Variants in ABHD18 observed in about 807,000 individuals in gnomAD.
ABHD18 encodes cardiolipin-specific deacylase, mitochondrial.
ABHD18 carries 55 observed loss-of-function variants against 65.9 expected under a neutral mutation model. The ratio of observed to expected loss-of-function variants is 0.84; its 90% CI spans 0.67 to 1.05. The LOEUF (loss-of-function observed/expected upper bound fraction) is 1.05, where lower values mean the gene tolerates loss of function less well. Ranked by LOEUF, ABHD18 falls within the 50% of genes least tolerant of loss-of-function variation. The pLI is 0.00. For missense variants in ABHD18, 533 were observed against 558.5 expected (o/e 0.95, Z 0.46); for synonymous variants, 181 against 180.2 (o/e 1.00, Z -0.04).
rs183094932 is a variant in ABHD18 at position 128,013,731 on chromosome 4, C to T, written c.470+2031C>T. 5.7e-3 allele frequency among the ~76,000 whole-genome samples: 861 copies of T among 151,794 alleles called. 4 individuals are homozygous for T. Among genetic ancestry groups the T allele is most frequent in the Non-Finnish European group, 9.0e-3 (610 of 67,948 alleles). On this transcript the variant is annotated intron_variant, in intron 7 of 12. Transcript: ENST00000645843. ...AAAAAAAGTTCTGACTTGGATGTGT[C>T]AAATTTGTAATTTCTGTTAAACCTG...
intron 1 of ABHD18, among the ~76,000 whole-genome samples, chr4:127,976,832 G>A (rs1370042874): frequency 6.6e-6 from 1 of 152,098 alleles, no homozygotes; most frequent in Non-Finnish European, 1.5e-5. Context: ...ACAAGGTCAG[G>A]AGATCAAGAC....
rs994198965 is a variant in ABHD18, at chr4:127,966,738, A to G, written c.-18+1132A>G. Among the ~76,000 whole-genome samples the G allele has an allele frequency of 3.2e-4, 37 of 115,848 alleles. 1 individual carries two copies. Among genetic ancestry groups the G allele is most frequent in the Admixed American group, 1.0e-4 (1 of 9,548 alleles). 76.0% of individuals were successfully genotyped at this position (115,848 alleles called of 152,430 possible). A position where few individuals can be genotyped will look rare whatever the true frequency, so the allele number is the denominator to read the frequency against. ...AAAAAAAAAAAAAAAAAAAAAAAAA[A>G]GCCGGGCGTGGTGGCGGGCGCCTAT... is the stretch of plus-strand genomic sequence containing the variant. On this transcript the variant is annotated intron_variant, in intron 1 of 12. Coordinates refer to ENST00000645843, the MANE Select transcript of ABHD18 (RefSeq NM_001358451.3).
chr4:128,004,587 A>C (rs1441854025), intron 4 of ABHD18, among the ~76,000 whole-genome samples: 1 of 152,210 alleles, frequency 6.6e-6, no homozygotes, highest in Non-Finnish European at 1.5e-5. Context: ...AGGTTTATTC[A>C]GTAAATTTAT....
rs1754090765 is a variant in ABHD18, at chr4:128,008,967, T to C, written c.326T>C (p.Val109Ala). Residue 109 changes from valine to alanine, a missense_variant, in exon 5 of 13, where the codon GTA (valine) becomes GCA (alanine). This residue lies in a region of ABHD18 where 309 missense variants were observed against 313.5 expected (regional missense o/e 0.99). Coordinates refer to ENST00000645843, the MANE Select transcript of ABHD18 (RefSeq NM_001358451.3). The part of the protein sequence containing the change: ...PKEWNSKYRP[V>A]CIHLAGTGDH... ...GAATGGAACAGCAAATATAGACCTG[T>C]ATGCATTCATCTTGCTGGAACAGGA... The C allele has an allele frequency of 6.2e-7, 1 of 1,610,776 alleles. No individual in the cohort carries two copies. The highest frequency in any genetic ancestry group is 1.3e-5 in the African/African-American group (1 of 74,878).
At chr4:128,002,424 C>G (rs1009947061) in intron 4 of ABHD18, among the ~76,000 whole-genome samples, 1 of 151,502 alleles carries the variant, frequency 6.6e-6, no homozygotes, top group African/African-American at 2.4e-5. Flanking sequence ...GGATTACAGG[C>G]ACTTGCCACC....
intron 6 of ABHD18, 61 bp from the exon 7 acceptor site, chr4:128,011,612 C>G (rs1754591514): frequency 7.5e-7 from 1 of 1,325,750 alleles, no homozygotes; most frequent in East Asian, 2.6e-5. Flanking sequence ...ATTTAATGTA[C>G]TCTCAGACAA....
chr4:128,015,950 CT>C (rs938616932), intron 7 of ABHD18, among the ~76,000 whole-genome samples: 4,038 of 130,724 alleles, frequency 0.031, 39 homozygotes, highest in Non-Finnish European at 0.039. Context: ...TATTTAAATA[CT>C]TTTTTTTTTT....
chr4:127,998,876 AC>A (rs1752213712), intron 4 of ABHD18, among the ~76,000 whole-genome samples: 1 of 152,168 alleles, frequency 6.6e-6, no homozygotes, highest in South Asian at 2.1e-4. Context: ...ATGGTACTTT[AC>A]GTACTTAGGA....
chr4:127,991,102 G>T (rs962810079), intron 4 of ABHD18, among the ~76,000 whole-genome samples: 1 of 152,144 alleles, frequency 6.6e-6, no homozygotes, highest in Non-Finnish European at 1.5e-5. Context: ...GGTCTCAAGG[G>T]ATCCACCTGC....
At position 128,031,879 on chromosome 4, in the gene ABHD18, T is replaced by C. The variant is rs1267174606; in HGVS notation, c.1343+1207T>C. On this transcript the variant is annotated intron_variant, in intron 12 of 12. Transcript: ENST00000645843. ...ATTGGTGAGTGAGCAGACTATCCAA[T>C]ACTCATTGGCCCTCTGGCACAACAA... Among the ~76,000 whole-genome samples, 5 of 152,348 alleles carry C rather than the reference T, an allele frequency of 3.3e-5. No homozygotes were observed. In the East Asian group the frequency reaches 9.6e-4, roughly 29 times the overall value.
At chr4:127,979,777 G>A (rs1378561340) in intron 1 of ABHD18, among the ~76,000 whole-genome samples, 15 of 152,038 alleles carry the variant, frequency 9.9e-5, no homozygotes, top group African/African-American at 2.2e-4. Flanking sequence ...TTAGCTGGGC[G>A]TGCTGCTGTG....
chr4:127,974,197 T>G (rs1016921203), intron 1 of ABHD18, among the ~76,000 whole-genome samples: 21 of 143,054 alleles, frequency 1.5e-4, no homozygotes, highest in African/African-American at 4.2e-4. Flanking sequence ...TGTTTTTTTT[T>G]TTTTTTTTTT....
chr4:128,020,125 A>T lies in ABHD18; in HGVS notation c.655A>T (p.Ile219Phe). The change falls in exon 9 of 13, where the codon ATT (isoleucine) becomes TTT (phenylalanine). Residue 219 changes from isoleucine to phenylalanine, a missense_variant. Ile to Phe is a conservative substitution (Grantham distance 21). Coordinates refer to ENST00000645843, the MANE Select transcript of ABHD18 (RefSeq NM_001358451.3). ...VSNWPKPMPLIPCLSWSTASG... is the reference protein window; with the variant it reads ...VSNWPKPMPLFPCLSWSTASG... ...CAACTGGCCTAAGCCCATGCCATTG[A>T]TTCCATGCCTGTCTTGGTCCACAGC... The T allele has an allele frequency of 6.2e-7, 1 of 1,613,732 alleles. No homozygotes were observed. Among genetic ancestry groups the T allele is most frequent in the Non-Finnish European group, 8.5e-7 (1 of 1,179,778 alleles).
intron 4 of ABHD18, among the ~76,000 whole-genome samples, chr4:128,006,818 C>T (rs144002549): frequency 4.6e-4 from 70 of 152,314 alleles, no homozygotes; most frequent in African/African-American, 1.7e-3. Flanking sequence ...CGTGTGGTGA[C>T]TCATGTCCAT....
chr4:128,031,106 GC>G, intron 12 of ABHD18: 1 of 988,788 alleles, frequency 1.0e-6, no homozygotes, highest in Non-Finnish European at 1.2e-6. Flanking sequence ...AATAAGAAGT[GC>G]TTTTAATGTG....
chr4:128,014,044 C>T (rs1394510468), intron 7 of ABHD18, among the ~76,000 whole-genome samples: 1 of 133,056 alleles, frequency 7.5e-6, no homozygotes, highest in African/African-American at 2.9e-5. Context: ...AGTGCAATGG[C>T]GTGATCTCTG....
At chr4:127,976,542 C>T (rs1445642388) in intron 1 of ABHD18, among the ~76,000 whole-genome samples, 2 of 152,154 alleles carry the variant, frequency 1.3e-5, no homozygotes, top group Admixed American at 6.6e-5. Context: ...CAAGGCCTAT[C>T]ATATATACTG....
At chr4:128,014,108 C>T (rs1560900818) in intron 7 of ABHD18, among the ~76,000 whole-genome samples, 1 of 151,572 alleles carries the variant, frequency 6.6e-6, no homozygotes, top group Non-Finnish European at 1.5e-5. Flanking sequence ...CTCAGCCTCC[C>T]GAGTAGCTGG....
chr4:128,034,982 A>C (rs1758719235), intron 12 of ABHD18, among the ~76,000 whole-genome samples: 1 of 152,178 alleles, frequency 6.6e-6, no homozygotes, highest in Admixed American at 6.6e-5. Flanking sequence ...AAATATTAAA[A>C]TACTTGGTAA....
Sources: gnomAD v4.1 joint callset for allele counts (sites outside exome capture counted in the v4.1 genomes callset) on GRCh38, gnomAD v4.1.1 for gene constraint, gnomAD v4.1.1 regional missense constraint, MANE v1.5 for transcripts, NCBI Gene and HGNC (gene_info 2026-07-23, HGNC 2026-07-21) for gene names.